Variants in USP32 observed in about 807,000 individuals in gnomAD.
USP32 encodes the protein ubiquitin carboxyl-terminal hydrolase 32.
In USP32, 59 loss-of-function variants were observed where a neutral mutation model predicts 204.8. That is an observed-to-expected ratio of 0.29 (90% CI 0.23 to 0.36). The LOEUF (loss-of-function observed/expected upper bound fraction) is 0.36. USP32 is among the 10% of genes least tolerant of loss of function. The pLI, the probability that USP32 is intolerant of heterozygous loss-of-function variation, is 1.00. For synonymous variants in USP32, 517 were observed against 678.4 expected (o/e 0.76, Z 3.70); for missense variants, 1,160 against 1,946.4 (o/e 0.60, Z 7.60).
At position 60,200,807 on chromosome 17, in the gene USP32, T is replaced by C. The variant is rs1184818419; in HGVS notation, c.3250-2363A>G. Among the ~76,000 whole-genome samples, 4 of 152,358 alleles carry C rather than the reference T, an allele frequency of 2.6e-5. No homozygotes were observed. The East Asian group carries it at 7.7e-4, about 29-fold the overall frequency. On this transcript the variant is annotated intron_variant, in intron 26 of 33. Coordinates refer to ENST00000300896, the MANE Select transcript of USP32 (RefSeq NM_032582.4). Reference sequence around the variant, plus strand: ...AATAAACACTAGATTTCATTTTCCCTGTTTTAAAAGTTTTTATATTTATAA... The same window carrying C: ...AATAAACACTAGATTTCATTTTCCCCGTTTTAAAAGTTTTTATATTTATAA...
chr17:60,226,145 C>T lies in USP32; in HGVS notation c.1326G>A (p.Gln442=). 1 of 1,607,918 alleles carries T rather than the reference C, an allele frequency of 6.2e-7. No homozygotes were observed. Among genetic ancestry groups the T allele is most frequent in the Non-Finnish European group, 8.5e-7 (1 of 1,177,906 alleles). Residue 442 remains glutamine (Q), a synonymous_variant, in exon 13 of 34, where the codon CAG becomes CAA. Coordinates refer to ENST00000300896, the MANE Select transcript of USP32 (RefSeq NM_032582.4). The part of the protein sequence containing the change: ...SFGTAAHPME[Q]VEDRIGSSLS... Reference sequence around the variant, plus strand: ...GGCTGCTTCCAATTCTATCTTCGACCTGCTCCATAGGATGGGCTGCAGTTC... The same window carrying T: ...GGCTGCTTCCAATTCTATCTTCGACTTGCTCCATAGGATGGGCTGCAGTTC...
intron 3 of USP32, among the ~76,000 whole-genome samples, chr17:60,299,820 A>AC (rs2087528203): frequency 6.6e-6 from 1 of 152,194 alleles, no homozygotes; most frequent in Admixed American, 6.5e-5. Flanking sequence ...AGAGGCTGGG[A>AC]AGTACACCAT....
rs2086265425 is a variant in USP32 at position 60,255,235 on chromosome 17, G to C, written c.1014C>G (p.Asp338Glu). ...CATTTTTCACACTCCAGATCTGATAGTCTTCCAGAGTAAGATGACCCATCT... is the reference window on the plus strand; with the variant it reads ...CATTTTTCACACTCCAGATCTGATACTCTTCCAGAGTAAGATGACCCATCT... ...TTKMGHLTLE[D>E]YQIWSVKNVL... is the part of the protein sequence containing the mutation. Residue 338 changes from aspartate (D) to glutamate (E), a missense_variant, in exon 10 of 34, where the codon GAC becomes GAG. By Grantham distance (45) the Asp-to-Glu change is conservative. Coordinates refer to ENST00000300896, the MANE Select transcript of USP32 (RefSeq NM_032582.4). 6.2e-7 allele frequency: 1 copy of C among 1,610,196 alleles called. No individual in the cohort carries two copies. The highest frequency in any genetic ancestry group is 8.5e-7 in the Non-Finnish European group (1 of 1,178,880).
At chr17:60,314,834 G>A (rs189690037) in intron 2 of USP32, among the ~76,000 whole-genome samples, 7 of 151,946 alleles carry the variant, frequency 4.6e-5, no homozygotes, top group African/African-American at 1.7e-4. Context: ...GCACTGAGAG[G>A]GAAAAAGGTA....
intron 1 of USP32, among the ~76,000 whole-genome samples, chr17:60,375,893 C>T (rs1391017005): frequency 1.3e-5 from 2 of 152,230 alleles, no homozygotes; most frequent in Admixed American, 1.3e-4. Flanking sequence ...CAGGGGTGAG[C>T]CACTATGCCC....
At position 60,363,523 on chromosome 17, in the gene USP32, A is replaced by G. The variant is rs568994515; in HGVS notation, c.59-17915T>C. On this transcript the variant is annotated intron_variant, in intron 1 of 33. Transcript: ENST00000300896. ...ACAGAGCAAGACTCTGTCTCAAAAA[A>G]AAAAAAATTTGAGACAGGGTCTCAC... 2.6e-5 allele frequency among the ~76,000 whole-genome samples: 4 copies of G among 151,172 alleles called. No individual in the cohort carries two copies. The East Asian group carries it at 7.9e-4, about 30-fold the overall frequency.
intron 16 of USP32, among the ~76,000 whole-genome samples, chr17:60,217,198 G>A (rs527274658): frequency 6.6e-6 from 1 of 152,206 alleles, no homozygotes; most frequent in Non-Finnish European, 1.5e-5. Context: ...CAAATCTAGT[G>A]GAATTTATAG....
chr17:60,223,602 A>C lies in USP32; in HGVS notation c.1433-16T>G. On this transcript the variant is annotated splice_polypyrimidine_tract_variant and intron_variant, in intron 13 of 33. Transcript: ENST00000300896. Reference sequence around the variant, plus strand: ...TACAGAAAGCCTATAAAAAAAAAAGAGGATAGAATCTCTTATTTTTAGTTA... The same window carrying C: ...TACAGAAAGCCTATAAAAAAAAAAGCGGATAGAATCTCTTATTTTTAGTTA... 6.4e-7 allele frequency: 1 copy of C among 1,573,010 alleles called. No homozygotes were observed. Among genetic ancestry groups the C allele is most frequent in the Non-Finnish European group, 8.6e-7 (1 of 1,166,344 alleles).
At chr17:60,395,693 C>A (rs911870680), upstream of USP32, among the ~76,000 whole-genome samples, 1 of 152,200 alleles carries the variant, frequency 6.6e-6, no homozygotes, top group African/African-American at 2.4e-5. Flanking sequence ...ATTGCTTTAA[C>A]TATAATTACA....
intron 1 of USP32, among the ~76,000 whole-genome samples, chr17:60,366,567 G>C (rs905028346): frequency 6.6e-6 from 1 of 151,862 alleles, no homozygotes; most frequent in Non-Finnish European, 1.5e-5. Flanking sequence ...CACCCAGCCC[G>C]CCATTTTTTA....
chr17:60,345,590 T>C lies in USP32; in HGVS notation c.77A>G (p.Lys26Arg), dbSNP rs751909888. Residue 26 changes from lysine to arginine, a missense_variant, in exon 2 of 34, where the codon AAA becomes AGA. By Grantham distance (26) the Lys-to-Arg change is conservative. Transcript: ENST00000300896. ...CCTCTTGAAAGCATCCTTCAGTCGT[T>C]TTAGCTCTACATCTGTAACTGCAAT... ...ALRRVTDVEL[K>R]RLKDAFKRTC... is the part of the protein sequence containing the mutation. 1.2e-5 allele frequency: 19 copies of C among 1,613,930 alleles called. No homozygotes were observed. The African/African-American group carries it at 2.4e-4, about 20-fold the overall frequency.
chr17:60,271,632 A>G (rs1038239058), intron 5 of USP32, 151 bp from the exon 6 acceptor site: 20 of 758,636 alleles, frequency 2.6e-5, no homozygotes, highest in South Asian at 2.4e-4. Flanking sequence ...ACTGAAATTT[A>G]TTATATCCAA....
intron 26 of USP32, among the ~76,000 whole-genome samples, chr17:60,200,662 T>C (rs1242851264): frequency 6.6e-6 from 1 of 152,072 alleles, no homozygotes; most frequent in Non-Finnish European, 1.5e-5. Context: ...CTCAAAAGCC[T>C]CCCATTTGCT....
At chr17:60,334,093 T>C (rs1447941338) in intron 2 of USP32, among the ~76,000 whole-genome samples, 1 of 152,230 alleles carries the variant, frequency 6.6e-6, no homozygotes, top group African/African-American at 2.4e-5. Flanking sequence ...AGTGCTCATA[T>C]GGAGATGATT....
intron 29 of USP32, 65 bp from the exon 30 acceptor site, chr17:60,185,716 A>T (rs1201001195): frequency 6.2e-5 from 95 of 1,543,624 alleles, no homozygotes; most frequent in Non-Finnish European, 7.8e-5. Context: ...TGATCTAGGT[A>T]TGCATCAACC....
At chr17:60,364,475 G>C (rs2089275474) in intron 1 of USP32, among the ~76,000 whole-genome samples, 1 of 152,162 alleles carries the variant, frequency 6.6e-6, no homozygotes, top group Non-Finnish European at 1.5e-5. Context: ...TGCCTCCCAA[G>C]TTCAAGTAAC....
chr17:60,290,350 C>T (rs886322204), intron 4 of USP32, among the ~76,000 whole-genome samples: 6 of 152,190 alleles, frequency 3.9e-5, no homozygotes, highest in African/African-American at 1.4e-4. Flanking sequence ...ATGCCCTATA[C>T]ATTTTTATTT....
intron 5 of USP32, among the ~76,000 whole-genome samples, chr17:60,279,942 T>C (rs781073395): frequency 1.3e-5 from 2 of 151,720 alleles, no homozygotes; most frequent in Non-Finnish European, 2.9e-5. Context: ...AGTTAAGATG[T>C]ATTAAACCAT....
upstream of USP32, chr17:60,392,534 C>T: frequency 2.6e-6 from 1 of 378,930 alleles, no homozygotes. Flanking sequence ...GGGGTCCGAG[C>T]AGCTGACGGT....
Sources: allele counts gnomAD v4.1 joint callset (sites outside exome capture counted in the v4.1 genomes callset), GRCh38; gene constraint gnomAD v4.1.1; transcripts MANE v1.5; gene names NCBI Gene and HGNC (gene_info 2026-07-23, HGNC 2026-07-21).